Variants in RYR1 observed in about 807,000 individuals in gnomAD.
RYR1 encodes the protein central core disease of muscle.
Under a neutral mutation model 583.5 loss-of-function variants are expected in RYR1, and 342 were observed. The observed-to-expected ratio is 0.59, with a 90% CI of 0.54 to 0.64. The LOEUF is 0.64. Ranked by LOEUF, RYR1 falls within the 30% of genes least tolerant of loss-of-function variation. RYR1 has a pLI of 0.00. For missense variants in RYR1, 6,032 were observed against 6,917.2 expected, an observed-to-expected ratio of 0.87 and a Z score of 4.54; for synonymous variants, 2,791 against 2,822.5, an observed-to-expected ratio of 0.99 and a Z score of 0.35.
chr19:38,502,135 C>T (rs951000935), intron 47 of RYR1, among the ~76,000 whole-genome samples: 2 of 151,976 alleles, frequency 1.3e-5, no homozygotes, highest in East Asian at 1.9e-4. Flanking sequence ...CCAGCCTGGG[C>T]GACAGAGACC....
intron 16 of RYR1, among the ~76,000 whole-genome samples, chr19:38,455,965 A>ATTTTTTTTTTTT (rs1568448503): frequency 7.6e-6 from 1 of 132,048 alleles, no homozygotes; most frequent in Non-Finnish European, 1.6e-5. Context: ...GATCTCTGAA[A>ATTTTTTTTTTTT]TGTTTTTTTT....
At chr19:38,509,679 G>A (rs373627308) in intron 58 of RYR1, among the ~76,000 whole-genome samples, 35 of 151,978 alleles carry the variant, frequency 2.3e-4, no homozygotes, top group African/African-American at 8.0e-4. Flanking sequence ...GGATGGTCTC[G>A]ATCTCCTGAC....
Position 38,496,199 on chromosome 19 carries a change from C to A in RYR1, c.6549-16C>A. The A allele has an allele frequency of 6.2e-7, 1 of 1,610,492 alleles. No homozygotes were observed. The highest frequency in any genetic ancestry group is 8.5e-7 in the Non-Finnish European group (1 of 1,177,838). ...CCTGGGCCCCTGGTGACCCCGCACA[C>A]TCTGCCCGTGCACAGGAACATCATG... On this transcript the variant is annotated splice_polypyrimidine_tract_variant and intron_variant, in intron 39 of 105. Coordinates refer to ENST00000359596, the MANE Select transcript of RYR1 (RefSeq NM_000540.3). This position sits in a 1 kb window ranked among gnomAD's most constrained non-coding sequence, Gnocchi z 4.8.
At position 38,561,309 on chromosome 19, in the gene RYR1, A is replaced by T. The variant is rs780793478; in HGVS notation, c.12479A>T (p.His4160Leu). 12 of 1,614,032 alleles carry T rather than the reference A, an allele frequency of 7.4e-6. No individual in the cohort carries two copies. The South Asian group carries it at 1.3e-4, about 18-fold the overall frequency. Residue 4160 changes from histidine to leucine, a missense_variant, in exon 90 of 106, where the codon CAC becomes CTC. Physicochemically the swap from His to Leu is moderately conservative, Grantham distance 99. Transcript: ENST00000359596. The surrounding 1 kb of genome is among the most constrained non-coding windows in gnomAD (Gnocchi z 4.8). Reference protein sequence around the residue: ...SEHVPHDPRLHNFLELAESIL... With the variant: ...SEHVPHDPRLLNFLELAESIL... ...CATGTGCCGCATGACCCTCGCCTGCACAACTTCCTGGAGCTGGCCGAGAGC... is the reference window on the plus strand; with the variant it reads ...CATGTGCCGCATGACCCTCGCCTGCTCAACTTCCTGGAGCTGGCCGAGAGC...
rs546323484 is a variant in RYR1 at position 38,469,082 on chromosome 19, G to C, written c.3498G>C (p.Glu1166Asp). The C allele has an allele frequency of 2.4e-5, 39 of 1,614,182 alleles. 1 individual carries two copies. The highest frequency in any genetic ancestry group is 2.1e-4 in the South Asian group (19 of 91,086). Reference sequence around the variant, plus strand: ...CCATTATCTTCACCCTCAATGGCGAGGTCCTCATGTCTGACTCAGGCTCCG... The same window carrying C: ...CCATTATCTTCACCCTCAATGGCGACGTCCTCATGTCTGACTCAGGCTCCG... ...ENTIIFTLNG[E>D]VLMSDSGSET... is the part of the protein sequence containing the mutation. Residue 1166 changes from glutamate to aspartate, a missense_variant, in exon 26 of 106, where the codon GAG becomes GAC. Glu to Asp is a conservative substitution (Grantham distance 45). Coordinates refer to ENST00000359596, the MANE Select transcript of RYR1 (RefSeq NM_000540.3).
intron 16 of RYR1, among the ~76,000 whole-genome samples, chr19:38,457,046 C>CAA (rs71165550): frequency 1.0e-4 from 2 of 19,762 alleles, no homozygotes; most frequent in African/African-American, 4.6e-4. Flanking sequence ...ACTCCATCTC[C>CAA]AAAAAAAAAA....
Position 38,535,330 on chromosome 19 carries a change from TC to T in RYR1, c.11455del (p.Lys3820ArgfsTer15). 6.2e-7 allele frequency: 1 copy of T among 1,614,192 alleles called. No homozygotes were observed. Among genetic ancestry groups the T allele is most frequent in the Non-Finnish European group, 8.5e-7 (1 of 1,180,026 alleles). ...GCCCTCTGCAGAAAATGCTGGATTA[TC>T]TTAAGGACAAGAAGGAAGTTGGCTT... ...AEVQQKMLDY[L>X]KDKKEVGFFQ... On this transcript the variant is annotated frameshift_variant, in exon 81 of 106. Transcript: ENST00000359596. LOFTEE classifies it high-confidence loss of function.
chr19:38,506,454 T>C lies in RYR1; in HGVS notation c.8617-17T>C, dbSNP rs973469089. ...GCATCCTCTGAATCTAGCCCTTGAC[T>C]CTGCATCCACTCCCAGGCCATGGCA... On this transcript the variant is annotated splice_polypyrimidine_tract_variant and intron_variant, in intron 55 of 105. Coordinates refer to ENST00000359596, the MANE Select transcript of RYR1 (RefSeq NM_000540.3). The C allele has an allele frequency of 6.2e-7, 1 of 1,613,946 alleles. No individual in the cohort carries two copies. Among genetic ancestry groups the C allele is most frequent in the African/African-American group, 1.3e-5 (1 of 74,886 alleles).
At chr19:38,465,197 G>A (rs1321127134) in intron 23 of RYR1, among the ~76,000 whole-genome samples, 1 of 152,144 alleles carries the variant, frequency 6.6e-6, no homozygotes, top group Admixed American at 6.5e-5. Flanking sequence ...TGGGCTGGGT[G>A]AGGTGGCTCA....
intron 89 of RYR1, among the ~76,000 whole-genome samples, chr19:38,548,640 G>A (rs371057914): frequency 6.6e-6 from 1 of 152,168 alleles, no homozygotes; most frequent in Non-Finnish European, 1.5e-5. Context: ...GTGCAGTGGC[G>A]TGATCATAGC....
intron 18 of RYR1, 100 bp downstream of exon 18, chr19:38,458,392 CT>C: frequency 8.0e-7 from 1 of 1,245,174 alleles, no homozygotes; most frequent in Non-Finnish European, 1.2e-6. Flanking sequence ...TCCTGACTCC[CT>C]GAAAAGGTCA....
In RYR1 at chr19:38,460,306, T is replaced by TC. The variant is rs922812250; in HGVS notation, c.2361-64dup. The TC allele has an allele frequency of 1.3e-5, 18 of 1,396,344 alleles. No homozygotes were observed. The South Asian group carries it at 1.9e-4, about 14-fold the overall frequency. The allele number at this position is 1,396,344 out of a possible 1,614,324, so 86.5% of individuals were successfully genotyped here. On this transcript the variant is annotated intron_variant, in intron 19 of 105. Coordinates refer to ENST00000359596, the MANE Select transcript of RYR1 (RefSeq NM_000540.3). ...CATTGATCCCAGGACTGCTTCCATG[T>TC]CCCCCACTGACCACAGACTGTCCCC...
At chr19:38,513,049 A>G (rs1241068995) in intron 63 of RYR1, among the ~76,000 whole-genome samples, 1 of 152,078 alleles carries the variant, frequency 6.6e-6, no homozygotes, top group Non-Finnish European at 1.5e-5. Context: ...TAGGAAAAGT[A>G]GCACTTGGCC....
chr19:38,438,431 G>T lies in RYR1; in HGVS notation c.46-2314G>T, dbSNP rs569152811. Among the ~76,000 whole-genome samples the T allele has an allele frequency of 3.0e-4, 45 of 150,286 alleles. 1 individual carries two copies. Among genetic ancestry groups the T allele is most frequent in the African/African-American group, 1.0e-3 (41 of 40,740 alleles). On this transcript the variant is annotated intron_variant, in intron 1 of 105. Coordinates refer to ENST00000359596, the MANE Select transcript of RYR1 (RefSeq NM_000540.3). ...GAGACATGGTCTCAATCTGTCTCAG[G>T]GGCCCCAGGGAGGTGGGGCTTGATT...
chr19:38,495,796 T>C (rs1045809319), intron 39 of RYR1, among the ~76,000 whole-genome samples: 1 of 151,246 alleles, frequency 6.6e-6, no homozygotes, highest in African/African-American at 2.4e-5. Flanking sequence ...TGAGATGGAG[T>C]CTTGCTCTGT....
chr19:38,471,255 G>T, intron 27 of RYR1, among the ~76,000 whole-genome samples: 1 of 152,348 alleles, frequency 6.6e-6, no homozygotes, highest in African/African-American at 2.4e-5. Context: ...CTGGTTGGAT[G>T]CGGTGGCTCA....
In RYR1 at chr19:38,587,047, T is replaced by C. The variant is rs533674290; in HGVS notation, c.15022-278T>C. On this transcript the variant is annotated intron_variant, in intron 105 of 105. Coordinates refer to ENST00000359596, the MANE Select transcript of RYR1 (RefSeq NM_000540.3). ...ACTTCGGGAGGCCACAGCGGGAGAA[T>C]TGCTTGAGACCAGAAGTTCAAGACA... Among the ~76,000 whole-genome samples, 14 of 152,188 alleles carry C rather than the reference T, an allele frequency of 9.2e-5. No individual in the cohort carries two copies. In the East Asian group the frequency reaches 1.3e-3, roughly 15 times the overall value.
In RYR1 at chr19:38,467,774, G is replaced by C. The variant is rs775927793; in HGVS notation, c.3343G>C (p.Gly1115Arg). ...RPELRPDVEL[G>R]ADELAYVFNG... ...CGAGCTGAGGCCTGATGTAGAGCTG[G>C]GAGCTGACGAGCTGGCCTATGTCTT... The change falls in exon 25 of 106, where the codon GGA becomes CGA. Residue 1115 changes from glycine (G) to arginine (R), a missense_variant. Gly to Arg is a moderately radical substitution (Grantham distance 125, BLOSUM62 -2). Around this residue, in one of 11 missense-constraint regions of RYR1, gnomAD observed 2,627 missense variants for 2,961.3 expected, o/e 0.89. Transcript: ENST00000359596. 5.0e-6 allele frequency: 8 copies of C among 1,614,176 alleles called. No homozygotes were observed. The highest frequency in any genetic ancestry group is 5.1e-6 in the Non-Finnish European group (6 of 1,180,034).
In RYR1 at chr19:38,490,186, C is replaced by G. The variant is rs141689968; in HGVS notation, c.5925C>G (p.Ser1975Arg). Reference sequence around the variant, plus strand: ...ACAAGCTCCAGGCCAACCAGCGGAGCCGCTATGGCCTCCTCATAAAAGCCT... The same window carrying G: ...ACAAGCTCCAGGCCAACCAGCGGAGGCGCTATGGCCTCCTCATAAAAGCCT... ...YVDKLQANQR[S>R]RYGLLIKAFS... Residue 1975 changes from serine (S) to arginine (R), a missense_variant, in exon 36 of 106, where the codon AGC becomes AGG. Ser to Arg is a moderately radical substitution (Grantham distance 110, BLOSUM62 -1). Coordinates refer to ENST00000359596, the MANE Select transcript of RYR1 (RefSeq NM_000540.3). 6 of 1,614,084 alleles carry G rather than the reference C, an allele frequency of 3.7e-6. No homozygotes were observed. Among genetic ancestry groups the G allele is most frequent in the African/African-American group, 1.3e-5 (1 of 74,944 alleles).
Sources: allele counts gnomAD v4.1 joint callset (sites outside exome capture counted in the v4.1 genomes callset), GRCh38; gene constraint gnomAD v4.1.1; regional missense constraint gnomAD v4.1.1; non-coding constraint Gnocchi (gnomAD v3.1); transcripts MANE v1.5; gene names NCBI Gene and HGNC (gene_info 2026-07-23, HGNC 2026-07-21).